The following EBF2 variants were observed in gnomAD, a reference collection of about 807,000 sequenced individuals.
EBF2 encodes EBF transcription factor 2.
EBF2 carries 21 observed loss-of-function variants against 72.8 expected under a neutral mutation model. The observed-to-expected ratio is 0.29, with a 90% CI of 0.20 to 0.42. The LOEUF (loss-of-function observed/expected upper bound fraction) is 0.42. EBF2 is among the 10% of genes least tolerant of loss of function. EBF2 has a pLI of 1.00. For synonymous variants in EBF2, 299 were observed against 274.2 expected (o/e 1.09, Z -0.89); for missense variants, 637 against 731.2 (o/e 0.87, Z 1.49).
intron 6 of EBF2, among the ~76,000 whole-genome samples, chr8:25,974,392 C>T (rs1804234921): frequency 6.6e-6 from 1 of 152,210 alleles, no homozygotes; most frequent in Non-Finnish European, 1.5e-5. Context: ...GATCCAAGTA[C>T]ACTGTATCTC....
chr8:25,977,647 A>T (rs1191003430), intron 6 of EBF2, among the ~76,000 whole-genome samples: 2 of 152,222 alleles, frequency 1.3e-5, no homozygotes, highest in Non-Finnish European at 2.9e-5. Flanking sequence ...GTTCCCGGAC[A>T]AGGAAGTGGT....
intron 6 of EBF2, among the ~76,000 whole-genome samples, chr8:26,024,544 G>T (rs1805267344): frequency 6.6e-6 from 1 of 152,114 alleles, no homozygotes; most frequent in African/African-American, 2.4e-5. Flanking sequence ...GGCCTGTTCT[G>T]TACCTATCTG....
chr8:25,877,917 C>T (rs888698681), intron 10 of EBF2, among the ~76,000 whole-genome samples: 1 of 152,130 alleles, frequency 6.6e-6, no homozygotes, highest in African/African-American at 2.4e-5. Flanking sequence ...ATTCCCAGAC[C>T]CTGTCCGAAG....
At chr8:25,883,566 T>A (rs1161837078) in intron 10 of EBF2, among the ~76,000 whole-genome samples, 1 of 152,160 alleles carries the variant, frequency 6.6e-6, no homozygotes. Context: ...CATATCTAAT[T>A]GGTCTGGGGT....
At chr8:26,004,991 G>A (rs1473221426) in intron 6 of EBF2, among the ~76,000 whole-genome samples, 4 of 150,908 alleles carry the variant, frequency 2.7e-5, no homozygotes, top group African/African-American at 9.8e-5. Context: ...TCGCATAGTG[G>A]CTAGTCTTCT....
chr8:26,036,904 A>G (rs1430859517), intron 5 of EBF2, among the ~76,000 whole-genome samples: 2 of 152,120 alleles, frequency 1.3e-5, no homozygotes, highest in Non-Finnish European at 1.5e-5. Context: ...TAAAAAAAAA[A>G]GTAATAAAAA....
chr8:26,041,960 G>T, intron 2 of EBF2, 135 bp downstream of exon 2: 1 of 1,310,270 alleles, frequency 7.6e-7, no homozygotes. Context: ...TTTAGAGGCT[G>T]GGGGTGAGTA....
chr8:25,867,216 T>C (rs1179840162), intron 10 of EBF2, among the ~76,000 whole-genome samples: 2 of 152,358 alleles, frequency 1.3e-5, no homozygotes, highest in East Asian at 3.9e-4. Flanking sequence ...TCTGTCCAAC[T>C]AATGATTTTT....
intron 6 of EBF2, among the ~76,000 whole-genome samples, chr8:26,022,004 A>G (rs573291927): frequency 5.3e-5 from 8 of 152,216 alleles, no homozygotes; most frequent in Non-Finnish European, 1.2e-4. Flanking sequence ...ATCACTGATT[A>G]TAGTAAAGTG....
At chr8:25,914,163 A>C (rs1803173856) in intron 6 of EBF2, among the ~76,000 whole-genome samples, 1 of 152,210 alleles carries the variant, frequency 6.6e-6, no homozygotes. Context: ...TCTCACTCTG[A>C]GAATGGCCCT....
chr8:25,960,534 T>C (rs887862250), intron 6 of EBF2, among the ~76,000 whole-genome samples: 15 of 152,214 alleles, frequency 9.9e-5, no homozygotes, highest in African/African-American at 4.8e-5. Flanking sequence ...AGAGGCGCCA[T>C]TGGTTACATC....
At chr8:26,014,679 T>C (rs1395429365) in intron 6 of EBF2, among the ~76,000 whole-genome samples, 2 of 152,216 alleles carry the variant, frequency 1.3e-5, no homozygotes, top group African/African-American at 2.4e-5. Flanking sequence ...AGAAAATGCC[T>C]GCAGTACATT....
At chr8:25,941,209 T>C (rs1585202709) in intron 6 of EBF2, among the ~76,000 whole-genome samples, 1 of 28,778 alleles carries the variant, frequency 3.5e-5, no homozygotes. Flanking sequence ...TGCTCCCCCA[T>C]CTTTTTTTTT....
chr8:26,021,646 G>T (rs1483141710), intron 6 of EBF2, among the ~76,000 whole-genome samples: 1 of 152,134 alleles, frequency 6.6e-6, no homozygotes, highest in Non-Finnish European at 1.5e-5. Context: ...AACTTATGCT[G>T]AAAAATGATT....
intron 6 of EBF2, among the ~76,000 whole-genome samples, chr8:25,956,225 C>A (rs1249866418): frequency 7.2e-5 from 11 of 152,040 alleles, no homozygotes; most frequent in Admixed American, 6.6e-4. Context: ...TCGAGACCAG[C>A]CTGACCAACA....
At position 26,003,171 on chromosome 8, in the gene EBF2, G is replaced by C. The variant is rs1585222930; in HGVS notation, c.551+29914C>G. On this transcript the variant is annotated intron_variant, in intron 6 of 15. Coordinates refer to ENST00000520164, the MANE Select transcript of EBF2 (RefSeq NM_022659.4). ...ACTCTGGGAGTCTCTGGGAGCTTTG[G>C]GTAACATTGGACTGGGAGGGTTCCA... Among the ~76,000 whole-genome samples the C allele has an allele frequency of 3.9e-5, 6 of 152,238 alleles. No individual in the cohort carries two copies. In the South Asian group the frequency reaches 1.2e-3, roughly 32 times the overall value.
intron 6 of EBF2, among the ~76,000 whole-genome samples, chr8:25,976,036 T>C (rs1804263550): frequency 6.6e-6 from 1 of 152,186 alleles, no homozygotes; most frequent in Non-Finnish European, 1.5e-5. Flanking sequence ...AGATCCCTTC[T>C]GTAGAGTCAG....
chr8:25,967,165 C>T (rs1009289438), intron 6 of EBF2, among the ~76,000 whole-genome samples: 2 of 152,180 alleles, frequency 1.3e-5, no homozygotes, highest in African/African-American at 4.8e-5. Context: ...GGGGAACTAA[C>T]ATCGGGAGAG....
In EBF2 at chr8:26,040,688, G is replaced by A. The variant is rs371164308; in HGVS notation, c.353-17C>T. 12 of 1,553,688 alleles carry A rather than the reference G, an allele frequency of 7.7e-6. No individual in the cohort carries two copies. The highest frequency in any genetic ancestry group is 1.4e-5 in the African/African-American group (1 of 73,220). On this transcript the variant is annotated splice_polypyrimidine_tract_variant and intron_variant, in intron 3 of 15. Coordinates refer to ENST00000520164, the MANE Select transcript of EBF2 (RefSeq NM_022659.4). ...TGCGGACACCTGCGGGGACCGGAGG[G>A]GCACGAGTCAAGGGCCGTAGAGCCC... is the stretch of plus-strand genomic sequence containing the variant.
Sources: allele counts gnomAD v4.1 joint callset (sites outside exome capture counted in the v4.1 genomes callset), GRCh38; gene constraint gnomAD v4.1.1; transcripts MANE v1.5; gene names NCBI Gene and HGNC (gene_info 2026-07-23, HGNC 2026-07-21).